MTMR14: variants seen among roughly 807,000 people sequenced by gnomAD.
The protein encoded by MTMR14 is phosphatidylinositol-3,5-bisphosphate 3-phosphatase MTMR14.
A neutral mutation model predicts 86.3 loss-of-function variants in MTMR14; 48 were observed. The observed-to-expected ratio is 0.56, with a 90% CI of 0.44 to 0.71. The LOEUF (loss-of-function observed/expected upper bound fraction) is 0.71. MTMR14 is among the 30% of genes least tolerant of loss of function. MTMR14 has a pLI of 0.00. For synonymous variants in MTMR14, 366 were observed against 326.1 expected (o/e 1.12, Z -1.32); for missense variants, 780 against 834.6 (o/e 0.93, Z 0.81).
Position 9,687,863 on chromosome 3 carries a change from G to T in MTMR14, c.1207G>T (p.Glu403Ter), listed in dbSNP as rs545729557. 2 of 1,588,948 alleles carry T rather than the reference G, an allele frequency of 1.3e-6. No individual in the cohort carries two copies. The highest frequency in any genetic ancestry group is 1.7e-6 in the Non-Finnish European group (2 of 1,165,336). Residue 403 changes from glutamate (E) to a stop codon, truncating the protein, a stop_gained, in exon 14 of 19, where the codon GAG becomes TAG. Transcript: ENST00000296003. LOFTEE classifies it high-confidence loss of function. ...CFNFLKHITS[E>*]EFSALKTQRR... ...CAATTTTTTGAAGCATATTACCTCC[G>T]AGGAGTTCTCTGCTCTGAAGACCCA...
Position 9,685,267 on chromosome 3 carries a change from C to T in MTMR14, c.1164+20C>T, listed in dbSNP as rs745334542. 6.2e-6 allele frequency: 10 copies of T among 1,613,894 alleles called. No individual in the cohort carries two copies. Among genetic ancestry groups the T allele is most frequent in the Non-Finnish European group, 8.5e-6 (10 of 1,179,906 alleles). ...GAGGAGGTGAGTATACCACCTACGA[C>T]TTGTGGGCACAGCTCAGCACTGAAA... On this transcript the variant is annotated intron_variant, in intron 13 of 18. Transcript: ENST00000296003.
At chr3:9,679,900 C>T (rs972883891) in intron 9 of MTMR14, among the ~76,000 whole-genome samples, 5 of 152,222 alleles carry the variant, frequency 3.3e-5, no homozygotes, top group African/African-American at 1.2e-4. Flanking sequence ...GAGGCCACCT[C>T]TTCAGTGTTG....
rs6780686 is a variant in MTMR14, at chr3:9,696,071, T to C, written c.1614-1640T>C. ...CGCACCTTCTAGAGTTTAGCAGGAA[T>C]GATGAATGTGACAAGTCTGTATGTT... On this transcript the variant is annotated intron_variant, in intron 17 of 18. Coordinates refer to ENST00000296003, the MANE Select transcript of MTMR14 (RefSeq NM_001077525.3). 7.4e-3 allele frequency among the ~76,000 whole-genome samples: 1,120 copies of C among 152,314 alleles called. 9 individuals are homozygous for C. The highest frequency in any genetic ancestry group is 0.025 in the African/African-American group (1,023 of 41,572).
chr3:9,664,337 A>G (rs973651326), intron 3 of MTMR14, among the ~76,000 whole-genome samples: 21 of 151,524 alleles, frequency 1.4e-4, no homozygotes, highest in Admixed American at 3.3e-4. Context: ...TAGGTCAGAC[A>G]TGTGGCTCAC....
rs573427165 is a variant in MTMR14, at chr3:9,672,455, G to T, written c.678-230G>T. On this transcript the variant is annotated intron_variant, in intron 6 of 18. Coordinates refer to ENST00000296003, the MANE Select transcript of MTMR14 (RefSeq NM_001077525.3). Reference sequence around the variant, plus strand: ...AATGTTTCACCATGTTGTCCAGGCTGGTCTTGACGGGGTTTCTCCATGTTG... The same window carrying T: ...AATGTTTCACCATGTTGTCCAGGCTTGTCTTGACGGGGTTTCTCCATGTTG... 5.9e-5 allele frequency among the ~76,000 whole-genome samples: 9 copies of T among 152,282 alleles called. No individual in the cohort carries two copies. The South Asian group carries it at 1.0e-3, about 18-fold the overall frequency.
chr3:9,676,832 G>C (rs753250760), intron 7 of MTMR14, among the ~76,000 whole-genome samples: 2 of 152,160 alleles, frequency 1.3e-5, no homozygotes, highest in Non-Finnish European at 2.9e-5. Context: ...ACTGTCCGTG[G>C]GCCTTTCCAG....
At chr3:9,665,370 A>G (rs1461091281) in intron 3 of MTMR14, among the ~76,000 whole-genome samples, 1 of 151,816 alleles carries the variant, frequency 6.6e-6, no homozygotes, top group East Asian at 1.9e-4. Flanking sequence ...TCCAGCGGAA[A>G]CAGAAAATCA....
At position 9,685,292 on chromosome 3, in the gene MTMR14, A is replaced by G. The variant is rs1489841804; in HGVS notation, c.1164+45A>G. ...CTTGTGGGCACAGCTCAGCACTGAA[A>G]GAGGGGCAGTGGGTAGCCTGTCTGA... On this transcript the variant is annotated intron_variant, in intron 13 of 18. Transcript: ENST00000296003. The G allele has an allele frequency of 1.9e-6, 3 of 1,611,828 alleles. No individual in the cohort carries two copies. In the South Asian group the frequency reaches 3.3e-5, roughly 18 times the overall value.
intron 17 of MTMR14, among the ~76,000 whole-genome samples, chr3:9,695,175 A>G (rs1449115161): frequency 1.3e-5 from 2 of 152,116 alleles, no homozygotes; most frequent in East Asian, 3.9e-4. Context: ...CTCCCTTCTC[A>G]GTATGTGGGC....
chr3:9,673,968 GATA>G (rs776888537), intron 7 of MTMR14, among the ~76,000 whole-genome samples: 10 of 152,072 alleles, frequency 6.6e-5, no homozygotes, highest in Non-Finnish European at 1.0e-4. Context: ...TGATGATGAT[GATA>G]ATGATGCTGG....
intron 12 of MTMR14, 77 bp from the exon 13 acceptor site, chr3:9,685,134 T>C (rs2125275424): frequency 6.3e-7 from 1 of 1,594,836 alleles, no homozygotes; most frequent in East Asian, 2.2e-5. Context: ...TGACACAGTC[T>C]GTGTCTGGTG....
chr3:9,672,666 T>C lies in MTMR14; in HGVS notation c.678-19T>C, dbSNP rs1320919575. ...GTGTGTGTTGCGACACTGTAACACA[T>C]TGTATCCTTGTCTTGTAGTGTAACC... On this transcript the variant is annotated intron_variant, in intron 6 of 18. Transcript: ENST00000296003. 7 of 1,607,546 alleles carry C rather than the reference T, an allele frequency of 4.4e-6. No individual in the cohort carries two copies. Among genetic ancestry groups the C allele is most frequent in the Middle Eastern group, 1.7e-4 (1 of 6,052 alleles).
intron 17 of MTMR14, among the ~76,000 whole-genome samples, chr3:9,692,552 T>C (rs1250509917): frequency 6.6e-6 from 1 of 152,244 alleles, no homozygotes; most frequent in Non-Finnish European, 1.5e-5. Context: ...CCCCCAGCTC[T>C]GGTTAGCAGG....
intron 18 of MTMR14, 27 bp downstream of exon 18, chr3:9,697,893 A>G: frequency 6.2e-7 from 1 of 1,613,430 alleles, no homozygotes; most frequent in Non-Finnish European, 8.5e-7. Flanking sequence ...AGAAGGCAGG[A>G]TGCTCCCCTG....
intron 2 of MTMR14, among the ~76,000 whole-genome samples, chr3:9,660,891 T>C (rs1432608743): frequency 6.6e-6 from 1 of 152,220 alleles, no homozygotes; most frequent in Non-Finnish European, 1.5e-5. Flanking sequence ...CTGCCTCCTG[T>C]TTCTGTTGCT....
intron 3 of MTMR14, among the ~76,000 whole-genome samples, chr3:9,662,634 T>G (rs965833173): frequency 2.0e-5 from 3 of 152,150 alleles, no homozygotes; most frequent in African/African-American, 7.2e-5. Context: ...GACTCTTATT[T>G]CCTGCCTATG....
intron 1 of MTMR14, among the ~76,000 whole-genome samples, chr3:9,652,669 C>T (rs913700886): frequency 2.0e-4 from 30 of 151,272 alleles, no homozygotes; most frequent in Non-Finnish European, 2.8e-4. Flanking sequence ...TGCACTCTAG[C>T]CTGGGTGACA....
intron 7 of MTMR14, among the ~76,000 whole-genome samples, chr3:9,676,211 C>T (rs1012608085): frequency 2.0e-5 from 3 of 152,216 alleles, no homozygotes; most frequent in Admixed American, 1.3e-4. Context: ...AGCCATGTGC[C>T]GTCTGAAGTT....
At position 9,663,791 on chromosome 3, in the gene MTMR14, G is replaced by T. The variant is rs150314879; in HGVS notation, c.417+1416G>T. Among the ~76,000 whole-genome samples the T allele has an allele frequency of 5.3e-3, 798 of 151,038 alleles. 3 individuals carry two copies. The highest frequency in any genetic ancestry group is 0.018 in the African/African-American group (737 of 41,048). Reference sequence around the variant, plus strand: ...GCCTCCCAAAGTGTTGGGATTACAGGCGTGAGCCACCGCGCACGGCCTGGA... The same window carrying T: ...GCCTCCCAAAGTGTTGGGATTACAGTCGTGAGCCACCGCGCACGGCCTGGA... On this transcript the variant is annotated intron_variant, in intron 3 of 18. Coordinates refer to ENST00000296003, the MANE Select transcript of MTMR14 (RefSeq NM_001077525.3).
Sources: gnomAD v4.1 joint callset for allele counts (sites outside exome capture counted in the v4.1 genomes callset) on GRCh38, gnomAD v4.1.1 for gene constraint, MANE v1.5 for transcripts, NCBI Gene and HGNC (gene_info 2026-07-23, HGNC 2026-07-21) for gene names.